The following ZBED4 variants were observed in gnomAD, a reference collection of about 807,000 sequenced individuals.
The protein encoded by ZBED4 is zinc finger BED domain-containing protein 4.
Under a neutral mutation model 15.5 loss-of-function variants are expected in ZBED4, and 4 were observed. The ratio of observed to expected loss-of-function variants is 0.26; its 90% CI spans 0.13 to 0.59. The LOEUF (loss-of-function observed/expected upper bound fraction) is 0.59, where lower values mean the gene tolerates loss of function less well. Ranked by LOEUF, ZBED4 falls within the 20% of genes least tolerant of loss-of-function variation. The probability of loss-of-function intolerance (pLI) is 0.90; values close to 1 mark genes in which losing one functional copy is unlikely to be tolerated. For synonymous variants in ZBED4, 692 were observed against 608.5 expected (o/e 1.14, Z -2.02); for missense variants, 1,323 against 1,461.8 (o/e 0.91, Z 1.55).
chr22:49,865,981 T>G (rs2147512401), intron 1 of ZBED4, among the ~76,000 whole-genome samples: 1 of 152,164 alleles, frequency 6.6e-6, no homozygotes, highest in Middle Eastern at 3.4e-3. Context: ...CGATGCTGAT[T>G]ATACGCGTGG....
rs755133101 is a variant in ZBED4 at position 49,887,185 on chromosome 22, C to T, written c.*7C>T. 1.1e-5 allele frequency: 18 copies of T among 1,598,540 alleles called. No individual in the cohort carries two copies. Among genetic ancestry groups the T allele is most frequent in the African/African-American group, 4.0e-5 (3 of 74,468 alleles). On this transcript the variant is annotated 3_prime_UTR_variant, in exon 2 of 2. Coordinates refer to ENST00000216268, the MANE Select transcript of ZBED4 (RefSeq NM_014838.3). ...AATATACTTTCAGTATTGAAACTCACGACGGCACCACTAGGCCAGAGGCGT... is the reference window on the plus strand; with the variant it reads ...AATATACTTTCAGTATTGAAACTCATGACGGCACCACTAGGCCAGAGGCGT...
Position 49,862,354 on chromosome 22 carries a change from C to T in ZBED4, c.-330+8365C>T, listed in dbSNP as rs554944580. 3.9e-5 allele frequency among the ~76,000 whole-genome samples: 6 copies of T among 152,320 alleles called. No homozygotes were observed. The South Asian group carries it at 8.3e-4, about 21-fold the overall frequency. On this transcript the variant is annotated intron_variant, in intron 1 of 1. Coordinates refer to ENST00000216268, the MANE Select transcript of ZBED4 (RefSeq NM_014838.3). ...GATCTCCTGTGCTCAAGTCTCTCAC[C>T]GTGGCCTGCAAGTAGCTGGGACTAC...
chr22:49,864,633 C>T (rs1252451840), intron 1 of ZBED4, among the ~76,000 whole-genome samples: 1 of 151,912 alleles, frequency 6.6e-6, no homozygotes, highest in Non-Finnish European at 1.5e-5. Context: ...CCTCAGCAAC[C>T]TAGTGAGACC....
Position 49,884,215 on chromosome 22 carries a change from C to G in ZBED4, c.553C>G (p.Pro185Ala), listed in dbSNP as rs1412378333. Residue 185 changes from proline to alanine, a missense_variant, in exon 2 of 2, where the codon CCC becomes GCC. By Grantham distance (27) the Pro-to-Ala change is conservative. Transcript: ENST00000216268. Reference protein sequence around the residue: ...SVSAVSSFPSPSLLLPPQPAD... With the variant: ...SVSAVSSFPSASLLLPPQPAD... The stretch of plus-strand genomic sequence containing the variant: ...GTCTGCCGTGTCCTCGTTCCCCTCT[C>G]CCTCACTCCTGCTTCCACCACAGCC... 1 of 1,604,118 alleles carries G rather than the reference C, an allele frequency of 6.2e-7. No homozygotes were observed. The highest frequency in any genetic ancestry group is 8.5e-7 in the Non-Finnish European group (1 of 1,174,014).
chr22:49,864,947 C>CGCCCG (rs1357242822), intron 1 of ZBED4, among the ~76,000 whole-genome samples: 1 of 91,732 alleles, frequency 1.1e-5, no homozygotes, highest in Non-Finnish European at 1.9e-5. Context: ...GCCCCCCCCC[C>CGCCCG]CCCCCGTGAA....
chr22:49,871,656 T>G (rs1403532091), intron 1 of ZBED4, among the ~76,000 whole-genome samples: 1 of 152,126 alleles, frequency 6.6e-6, no homozygotes, highest in African/African-American at 2.4e-5. Flanking sequence ...GATGTTGCCT[T>G]GGTGTCCAGG....
chr22:49,855,095 A>G (rs1389879523), intron 1 of ZBED4, among the ~76,000 whole-genome samples: 3 of 152,206 alleles, frequency 2.0e-5, no homozygotes, highest in African/African-American at 7.2e-5. Context: ...CAGGAGTTTG[A>G]TTCCATACTC....
intron 1 of ZBED4, among the ~76,000 whole-genome samples, chr22:49,876,226 G>A (rs1046153501): frequency 2.0e-5 from 3 of 152,292 alleles, no homozygotes; most frequent in Non-Finnish European, 4.4e-5. Flanking sequence ...AAGGTTTTGT[G>A]TACACTTGTA....
At chr22:49,860,653 A>G (rs2060292656) in intron 1 of ZBED4, among the ~76,000 whole-genome samples, 1 of 152,134 alleles carries the variant, frequency 6.6e-6, no homozygotes, top group Admixed American at 6.6e-5. Flanking sequence ...TATGTTGCCC[A>G]TTTGTTTCAG....
chr22:49,869,431 T>G (rs2060336655), intron 1 of ZBED4, among the ~76,000 whole-genome samples: 1 of 152,222 alleles, frequency 6.6e-6, no homozygotes. Context: ...GAGAACACTC[T>G]TGCGTGGACT....
At chr22:49,858,698 C>T (rs568329861) in intron 1 of ZBED4, among the ~76,000 whole-genome samples, 5 of 152,272 alleles carry the variant, frequency 3.3e-5, no homozygotes, top group Non-Finnish European at 7.4e-5. Context: ...TAATGACAGT[C>T]GCGTCATCGA....
chr22:49,879,186 G>A (rs1225991651), intron 1 of ZBED4, among the ~76,000 whole-genome samples: 3 of 149,902 alleles, frequency 2.0e-5, no homozygotes, highest in East Asian at 2.0e-4. Context: ...GTGAAGTGGC[G>A]CAATCTCGGC....
intron 1 of ZBED4, among the ~76,000 whole-genome samples, chr22:49,872,288 T>A (rs2060351880): frequency 6.6e-6 from 1 of 152,226 alleles, no homozygotes; most frequent in African/African-American, 2.4e-5. Context: ...CTAGTTTCTT[T>A]GCTCATCCCT....
At chr22:49,874,566 G>T (rs1201297097) in intron 1 of ZBED4, among the ~76,000 whole-genome samples, 1 of 149,008 alleles carries the variant, frequency 6.7e-6, no homozygotes, top group African/African-American at 2.5e-5. Context: ...GTAGACATGG[G>T]ATTTCACCAG....
At chr22:49,869,917 G>A (rs1023858373) in intron 1 of ZBED4, among the ~76,000 whole-genome samples, 7 of 152,168 alleles carry the variant, frequency 4.6e-5, no homozygotes, top group South Asian at 2.1e-4. Context: ...CGCCCAGATC[G>A]TGAGCATGGT....
At chr22:49,872,975 C>T (rs1291006858) in intron 1 of ZBED4, among the ~76,000 whole-genome samples, 4 of 152,128 alleles carry the variant, frequency 2.6e-5, no homozygotes, top group Non-Finnish European at 4.4e-5. Context: ...GGATTACAGG[C>T]GTGAACTACC....
intron 1 of ZBED4, among the ~76,000 whole-genome samples, chr22:49,855,639 G>A (rs2060272207): frequency 6.6e-6 from 1 of 152,156 alleles, no homozygotes; most frequent in Non-Finnish European, 1.5e-5. Flanking sequence ...GTGGACTCCT[G>A]GCGGCATGAG....
chr22:49,871,754 T>TTTA (rs1211646520), intron 1 of ZBED4, among the ~76,000 whole-genome samples: 2 of 45,398 alleles, frequency 4.4e-5, no homozygotes, highest in Non-Finnish European at 1.3e-4. Context: ...TATTTATTTA[T>TTTA]TTATTTTTTT....
At chr22:49,874,666 C>A (rs543052302) in intron 1 of ZBED4, among the ~76,000 whole-genome samples, 61 of 63,804 alleles carry the variant, frequency 9.6e-4, no homozygotes, top group African/African-American at 1.8e-3. Flanking sequence ...AACCACCATG[C>A]CCAGCCTTTT....
Sources: gnomAD v4.1 joint callset for allele counts (sites outside exome capture counted in the v4.1 genomes callset) on GRCh38, gnomAD v4.1.1 for gene constraint, MANE v1.5 for transcripts, NCBI Gene and HGNC (gene_info 2026-07-23, HGNC 2026-07-21) for gene names.